COL24A1: variants seen among roughly 807,000 people sequenced by gnomAD.
The protein encoded by COL24A1 is collagen alpha-1(XXIV) chain.
Under a neutral mutation model 253.9 loss-of-function variants are expected in COL24A1, and 224 were observed. The ratio of observed to expected loss-of-function variants is 0.88; its 90% CI spans 0.79 to 0.99. COL24A1 has a LOEUF of 0.99. Ranked by LOEUF, COL24A1 falls within the 50% of genes least tolerant of loss-of-function variation. The pLI, the probability that COL24A1 is intolerant of heterozygous loss-of-function variation, is 0.00. For missense variants in COL24A1, 2,131 were observed against 2,068.5 expected (o/e 1.03, Z -0.59); for synonymous variants, 685 against 673.7 (o/e 1.02, Z -0.26).
In COL24A1 at chr1:85,729,369, C is replaced by T. The variant is rs1334715608; in HGVS notation, c.*1177G>A. The T allele has an allele frequency of 6.6e-6, 1 of 152,062 alleles. No individual in the cohort carries two copies. The highest frequency in any genetic ancestry group is 1.5e-5 in the Non-Finnish European group (1 of 67,996). The allele number at this position is 152,062 out of a possible 1,614,324, so 9.4% of individuals were successfully genotyped here. On this transcript the variant is annotated 3_prime_UTR_variant, in exon 60 of 60. Transcript: ENST00000370571. ...TTCTTTCAGTATTGAACTAATATTT[C>T]TCTGATAACAAGGAGACATTGAACT...
intron 47 of COL24A1, among the ~76,000 whole-genome samples, chr1:85,810,302 G>A (rs313744): frequency 0.39 from 58,871 of 151,938 alleles, 12,711 homozygotes; most frequent in East Asian, 0.58. Flanking sequence ...TTTAAGAGGG[G>A]AGGGGAACCC....
intron 28 of COL24A1, among the ~76,000 whole-genome samples, chr1:85,902,021 A>G (rs1406972431): frequency 1.3e-5 from 2 of 152,278 alleles, no homozygotes; most frequent in East Asian, 3.9e-4. Context: ...AAAGTGTGGT[A>G]TATGTACACA....
At chr1:86,111,321 T>A (rs534696196) in intron 5 of COL24A1, among the ~76,000 whole-genome samples, 3 of 152,284 alleles carry the variant, frequency 2.0e-5, no homozygotes, top group Admixed American at 2.0e-4. Context: ...GCACTCTGTG[T>A]CTAGCTAAAG....
chr1:85,950,200 A>T (rs527739468), intron 24 of COL24A1, among the ~76,000 whole-genome samples: 2 of 152,218 alleles, frequency 1.3e-5, no homozygotes, highest in African/African-American at 4.8e-5. Flanking sequence ...AAAAGCAAGA[A>T]TTTTTTTTAA....
intron 24 of COL24A1, among the ~76,000 whole-genome samples, chr1:85,945,013 T>TTTTTTTTTG (rs1689155262): frequency 1.3e-5 from 1 of 79,316 alleles, no homozygotes. Flanking sequence ...TTTTTTTTTT[T>TTTTTTTTTG]TTTTTTTTTT....
intron 10 of COL24A1, among the ~76,000 whole-genome samples, chr1:86,053,269 T>C (rs1042853914): frequency 2.6e-5 from 4 of 152,086 alleles, no homozygotes; most frequent in Non-Finnish European, 5.9e-5. Context: ...CTCTAACTGG[T>C]ATATACTTAT....
chr1:86,024,423 T>C (rs1047014684), intron 14 of COL24A1, among the ~76,000 whole-genome samples: 7 of 152,168 alleles, frequency 4.6e-5, no homozygotes, highest in Non-Finnish European at 7.4e-5. Flanking sequence ...TAATTTGAAA[T>C]GGTGATTTCT....
chr1:85,882,459 G>A (rs7523823), intron 32 of COL24A1, among the ~76,000 whole-genome samples: 19,783 of 151,962 alleles, frequency 0.13, 1,423 homozygotes, highest in South Asian at 0.16. Flanking sequence ...GCAAGACTCC[G>A]TCTCAAAAAA....
In COL24A1 at chr1:85,741,051, G is replaced by A. The variant is rs538236130; in HGVS notation, c.4673-3546C>T. The stretch of plus-strand genomic sequence containing the variant: ...GGAGAATCGCTTGAACCTGGAAGGC[G>A]GAGGTTGCAGTGAGCCGAGATCGAG... On this transcript the variant is annotated intron_variant, in intron 57 of 59. Transcript: ENST00000370571. Among the ~76,000 whole-genome samples, 565 of 149,016 alleles carry A rather than the reference G, an allele frequency of 3.8e-3. 4 individuals carry two copies. The highest frequency in any genetic ancestry group is 0.013 in the African/African-American group (547 of 40,834).
In COL24A1 at chr1:86,156,463, G is replaced by C; in HGVS notation, c.-67C>G. On this transcript the variant is annotated 5_prime_UTR_variant, in exon 1 of 60. Coordinates refer to ENST00000370571, the MANE Select transcript of COL24A1 (RefSeq NM_152890.7). Reference sequence around the variant, plus strand: ...AGAAGCCAACTCTGAACTGCTTAGGGTGCAGGTACTGTCCATGAAAAAGGG... The same window carrying C: ...AGAAGCCAACTCTGAACTGCTTAGGCTGCAGGTACTGTCCATGAAAAAGGG... 1 of 1,413,286 alleles carries C rather than the reference G, an allele frequency of 7.1e-7. No individual in the cohort carries two copies. Among genetic ancestry groups the C allele is most frequent in the Non-Finnish European group, 9.7e-7 (1 of 1,035,672 alleles). The allele number at this position is 1,413,286 out of a possible 1,614,324, so 87.5% of individuals were successfully genotyped here. A position where few individuals can be genotyped will look rare whatever the true frequency, so the allele number is the denominator to read the frequency against.
intron 57 of COL24A1, among the ~76,000 whole-genome samples, chr1:85,741,565 C>T (rs1664645302): frequency 6.6e-6 from 1 of 152,168 alleles, no homozygotes; most frequent in African/African-American, 2.4e-5. Context: ...TAAGTCCTCA[C>T]CTTTGGTGGG....
chr1:85,791,719 C>G (rs1670294203), intron 47 of COL24A1, among the ~76,000 whole-genome samples: 1 of 152,084 alleles, frequency 6.6e-6, no homozygotes, highest in South Asian at 2.1e-4. Context: ...TTGGCAGTAC[C>G]TATCTGTGTG....
At chr1:85,837,229 T>C (rs10873725) in intron 43 of COL24A1, among the ~76,000 whole-genome samples, 1 of 151,916 alleles carries the variant, frequency 6.6e-6, no homozygotes, top group Non-Finnish European at 1.5e-5. Context: ...ACAGAACACA[T>C]ATAACCTGCT....
intron 30 of COL24A1, 35 bp from the exon 31 acceptor site, chr1:85,895,937 C>G: frequency 6.2e-7 from 1 of 1,604,188 alleles, no homozygotes; most frequent in Non-Finnish European, 8.5e-7. Context: ...GTCAAGTAGT[C>G]CCCTCCAAAA....
At chr1:85,787,247 G>A (rs1186068835) in intron 47 of COL24A1, among the ~76,000 whole-genome samples, 3 of 151,566 alleles carry the variant, frequency 2.0e-5, no homozygotes, top group Non-Finnish European at 2.9e-5. Context: ...CGCAGGATGT[G>A]CAGGTTTGTT....
intron 37 of COL24A1, among the ~76,000 whole-genome samples, chr1:85,859,664 C>T (rs1678913178): frequency 6.6e-6 from 1 of 151,976 alleles, no homozygotes; most frequent in African/African-American, 2.4e-5. Flanking sequence ...AGTGCTTTTC[C>T]TGAAATGTGT....
intron 57 of COL24A1, among the ~76,000 whole-genome samples, chr1:85,741,288 G>C (rs1165982520): frequency 5.9e-5 from 9 of 152,132 alleles, no homozygotes; most frequent in Non-Finnish European, 1.2e-4. Flanking sequence ...TTGTGTGTTT[G>C]GTTGTTGATT....
chr1:86,055,108 A>C (rs569213601), intron 10 of COL24A1, among the ~76,000 whole-genome samples: 1 of 152,316 alleles, frequency 6.6e-6, no homozygotes, highest in East Asian at 1.9e-4. Context: ...ACATGGACAC[A>C]AAGACAGGAA....
rs1663380386 is a variant in COL24A1, at chr1:85,730,623, T to C, written c.5068A>G (p.Ile1690Val). The C allele has an allele frequency of 4.3e-6, 7 of 1,614,020 alleles. No individual in the cohort carries two copies. The East Asian group carries it at 1.6e-4, about 36-fold the overall frequency. The change falls in exon 60 of 60, where the codon ATT (isoleucine) becomes GTT (valine). Residue 1690 changes from isoleucine to valine, a missense_variant. By Grantham distance (29) the Ile-to-Val change is conservative. Transcript: ENST00000370571. ...AGATGAGGAAGTTTTTGTACTTCAA[T>C]CACTGGAAGTTGATTAGGTTCCTGG... is the stretch of plus-strand genomic sequence containing the variant. The part of the protein sequence containing the change: ...HTQEPNQLPV[I>V]EVQKLPHLKT...
Sources: gnomAD v4.1 joint callset for allele counts (sites outside exome capture counted in the v4.1 genomes callset) on GRCh38, gnomAD v4.1.1 for gene constraint, MANE v1.5 for transcripts, NCBI Gene and HGNC (gene_info 2026-07-23, HGNC 2026-07-21) for gene names.